ARL3: variants seen among roughly 807,000 people sequenced by gnomAD.
ARL3 encodes the protein ARF like GTPase 3.
Under a neutral mutation model 26.0 loss-of-function variants are expected in ARL3, and 9 were observed. The observed-to-expected ratio is 0.35, with a 90% confidence interval of 0.21 to 0.60. The LOEUF (loss-of-function observed/expected upper bound fraction) is 0.60, where lower values mean the gene tolerates loss of function less well. ARL3 is among the 20% of genes least tolerant of loss of function. The probability of loss-of-function intolerance (pLI) is 0.78; values close to 1 mark genes in which losing one functional copy is unlikely to be tolerated. For missense variants in ARL3, 158 were observed against 215.7 expected (o/e 0.73, Z 1.67); for synonymous variants, 71 against 78.4 (o/e 0.91, Z 0.50).
At chr10:102,712,340 G>C (rs766706959) in intron 1 of ARL3, among the ~76,000 whole-genome samples, 5 of 152,148 alleles carry the variant, frequency 3.3e-5, no homozygotes, top group Non-Finnish European at 5.9e-5. Flanking sequence ...TAAGTCACAC[G>C]ACTGACTAAA....
chr10:102,700,806 C>T (rs1297220826), intron 2 of ARL3, among the ~76,000 whole-genome samples: 1 of 123,352 alleles, frequency 8.1e-6, no homozygotes, highest in Non-Finnish European at 1.6e-5. Flanking sequence ...GTTGTGCTCT[C>T]GGCTCACCGC....
rs186734319 is a variant in ARL3, at chr10:102,697,669, T to C, written c.264+1704A>G. On this transcript the variant is annotated intron_variant, in intron 3 of 5. Transcript: ENST00000260746. ...AAATTAGACGAGGTCACCTAAGCAG[T>C]GACTCAGAGAAGAAAAACACAAGGA... 2.4e-3 allele frequency among the ~76,000 whole-genome samples: 362 copies of C among 152,150 alleles called. 4 individuals carry two copies. Among genetic ancestry groups the C allele is most frequent in the Non-Finnish European group, 4.0e-3 (269 of 68,002 alleles).
At chr10:102,709,762 G>A (rs2064328633) in intron 1 of ARL3, among the ~76,000 whole-genome samples, 1 of 152,056 alleles carries the variant, frequency 6.6e-6, no homozygotes, top group Non-Finnish European at 1.5e-5. Context: ...GCTGAGTGCA[G>A]TGGCTCATGC....
chr10:102,712,841 C>T (rs932783632), intron 1 of ARL3, among the ~76,000 whole-genome samples: 1 of 151,930 alleles, frequency 6.6e-6, no homozygotes. Flanking sequence ...AAGGACAGCT[C>T]ACGTATAAAT....
intron 1 of ARL3, 116 bp downstream of exon 1, chr10:102,714,157 A>C: frequency 8.3e-7 from 1 of 1,208,100 alleles, no homozygotes; most frequent in Non-Finnish European, 1.1e-6. Context: ...CCCAGATAGC[A>C]GGCTGAGCGA....
intron 5 of ARL3, among the ~76,000 whole-genome samples, chr10:102,683,331 C>G (rs533952346): frequency 6.6e-6 from 1 of 152,218 alleles, no homozygotes; most frequent in South Asian, 2.1e-4. Context: ...ATTAAATAAC[C>G]CATTTCAAAT....
At position 102,676,791 on chromosome 10, in the gene ARL3, G is replaced by A. The variant is rs562965136; in HGVS notation, c.*103C>T. On this transcript the variant is annotated 3_prime_UTR_variant, in exon 6 of 6. Transcript: ENST00000260746. ...TGTTCCCTCTCTTCAAACAGCTGGA[G>A]CTGTACACAGATGGAAAAACATTTG... The A allele has an allele frequency of 8.2e-5, 99 of 1,210,766 alleles. No individual in the cohort carries two copies. In the South Asian group the frequency reaches 1.2e-3, roughly 15 times the overall value. 75.0% of individuals were successfully genotyped at this position (1,210,766 alleles called of 1,614,324 possible).
At chr10:102,705,570 GA>G in intron 1 of ARL3, 81 bp from the exon 2 acceptor site, 1 of 1,335,412 alleles carries the variant, frequency 7.5e-7, no homozygotes, top group African/African-American at 1.5e-5. Context: ...ACTTCTCCTT[GA>G]AAAAAGTTAT....
intron 1 of ARL3, among the ~76,000 whole-genome samples, chr10:102,708,267 T>C (rs982521706): frequency 6.6e-6 from 1 of 152,070 alleles, no homozygotes. Flanking sequence ...TGGTTTCTAT[T>C]AGCTATATTG....
At chr10:102,707,928 TG>T (rs1174296758) in intron 1 of ARL3, among the ~76,000 whole-genome samples, 1 of 152,084 alleles carries the variant, frequency 6.6e-6, no homozygotes, top group Non-Finnish European at 1.5e-5. Flanking sequence ...TTCTTTTTTT[TG>T]GGGGGACAGG....
intron 1 of ARL3, among the ~76,000 whole-genome samples, chr10:102,712,244 A>C (rs1251772370): frequency 3.3e-5 from 5 of 152,220 alleles, no homozygotes; most frequent in Non-Finnish European, 5.9e-5. Flanking sequence ...CTGAAGTTTA[A>C]AACAAAAACC....
At chr10:102,712,264 T>G (rs959877186) in intron 1 of ARL3, among the ~76,000 whole-genome samples, 1 of 152,096 alleles carries the variant, frequency 6.6e-6, no homozygotes, top group Non-Finnish European at 1.5e-5. Context: ...CAAAAAAACC[T>G]TGGGGTTCAC....
At chr10:102,710,735 G>A (rs1303181472) in intron 1 of ARL3, among the ~76,000 whole-genome samples, 1 of 152,104 alleles carries the variant, frequency 6.6e-6, no homozygotes, top group Non-Finnish European at 1.5e-5. Context: ...CAGCATGTGT[G>A]TATACAAGTT....
chr10:102,677,000 C>A, intron 5 of ARL3, 59 bp from the exon 6 acceptor site: 2 of 1,586,478 alleles, frequency 1.3e-6, no homozygotes, highest in Non-Finnish European at 8.7e-7. Flanking sequence ...ACCACACACT[C>A]TAGCCTGGAG....
chr10:102,714,322 CG>C lies in ARL3; in HGVS notation c.-48del, dbSNP rs774144388. ...CTCCTCCTCCTCCTGCTGCCTCCCC[CG>C]TTACCAGGGGCAACTGCTGCGGCGC... On this transcript the variant is annotated 5_prime_UTR_variant, in exon 1 of 6. Transcript: ENST00000260746. 7.7e-7 allele frequency: 1 copy of C among 1,304,194 alleles called. No homozygotes were observed. Among genetic ancestry groups the C allele is most frequent in the African/African-American group, 1.5e-5 (1 of 66,288 alleles). The allele number at this position is 1,304,194 out of a possible 1,614,324, so 80.8% of individuals were successfully genotyped here.
chr10:102,704,744 T>C (rs1246483353), intron 2 of ARL3, among the ~76,000 whole-genome samples: 1 of 152,198 alleles, frequency 6.6e-6, no homozygotes, highest in East Asian at 1.9e-4. Flanking sequence ...TGTGTATATA[T>C]GTATACATAT....
At chr10:102,682,799 T>A (rs1170163389) in intron 5 of ARL3, among the ~76,000 whole-genome samples, 1 of 152,222 alleles carries the variant, frequency 6.6e-6, no homozygotes, top group African/African-American at 2.4e-5. Context: ...GTCCTTTTTT[T>A]ATTTTTAAAC....
At chr10:102,706,360 G>A (rs1024388819) in intron 1 of ARL3, among the ~76,000 whole-genome samples, 5 of 151,990 alleles carry the variant, frequency 3.3e-5, no homozygotes, top group Non-Finnish European at 7.4e-5. Context: ...GCTGAGGCAG[G>A]AGAATCGCTT....
intron 1 of ARL3, among the ~76,000 whole-genome samples, chr10:102,706,961 C>T (rs925510198): frequency 6.6e-6 from 1 of 152,002 alleles, no homozygotes; most frequent in Non-Finnish European, 1.5e-5. Flanking sequence ...CCATGAGCCA[C>T]CTCTCCTGGC....
Sources: gnomAD v4.1 joint callset for allele counts (sites outside exome capture counted in the v4.1 genomes callset) on GRCh38, gnomAD v4.1.1 for gene constraint, MANE v1.5 for transcripts, NCBI Gene and HGNC (gene_info 2026-07-23, HGNC 2026-07-21) for gene names.